Variants in CPB1 observed in about 807,000 individuals in gnomAD.
CPB1 encodes the protein carboxypeptidase B.
A neutral mutation model predicts 51.4 loss-of-function variants in CPB1; 53 were observed. That is an observed-to-expected ratio of 1.03 (90% CI 0.83 to 1.30). The LOEUF (loss-of-function observed/expected upper bound fraction) is 1.30, where lower values mean the gene tolerates loss of function less well. Ranked by LOEUF, CPB1 falls within the 50% of genes most tolerant of loss-of-function variation. The pLI, the probability that CPB1 is intolerant of heterozygous loss-of-function variation, is 0.00. For missense variants in CPB1, 494 were observed against 516.2 expected (o/e 0.96, Z 0.42); for synonymous variants, 189 against 186.9 (o/e 1.01, Z -0.09).
In CPB1 at chr3:148,827,817, A is replaced by G. The variant is rs1712615347; in HGVS notation, c.-7A>G. On this transcript the variant is annotated 5_prime_UTR_variant, in exon 1 of 11. Coordinates refer to ENST00000282957, the MANE Select transcript of CPB1 (RefSeq NM_001871.3). ...TGAGACCTACCCACTAGACCTGGTC[A>G]GACACAATGTTGGCACTCTTGGTTC... The G allele has an allele frequency of 6.2e-7, 1 of 1,613,884 alleles. No individual in the cohort carries two copies. The highest frequency in any genetic ancestry group is 1.3e-5 in the African/African-American group (1 of 74,914).
chr3:148,836,919 A>G (rs1343304039), intron 3 of CPB1, among the ~76,000 whole-genome samples: 2 of 152,176 alleles, frequency 1.3e-5, no homozygotes, highest in Non-Finnish European at 1.5e-5. Context: ...TTCTACCAAA[A>G]TAACTTTTCA....
At chr3:148,857,071 T>TTTTTTGTTTTTTTTTTTTTTG (rs766441035) in intron 9 of CPB1, 1 of 145,278 alleles carries the variant, frequency 6.9e-6, no homozygotes, top group Non-Finnish European at 1.5e-5. Flanking sequence ...TGTTTTTTTT[T>TTTTTTGTTTTTTTTTTTTTTG]TTTTTTTTTT....
intron 9 of CPB1, 60 bp downstream of exon 9, chr3:148,845,686 T>C: frequency 7.4e-7 from 1 of 1,348,126 alleles, no homozygotes. Flanking sequence ...ATTCTAATCC[T>C]GAAAAAAAAA....
intron 3 of CPB1, among the ~76,000 whole-genome samples, chr3:148,836,680 G>A (rs1041498739): frequency 9.2e-5 from 14 of 152,046 alleles, no homozygotes; most frequent in Non-Finnish European, 1.6e-4. Context: ...TTTTTGCTTC[G>A]CTGTTCACTG....
intron 9 of CPB1, among the ~76,000 whole-genome samples, chr3:148,850,387 C>T (rs1487001108): frequency 6.6e-6 from 1 of 152,120 alleles, no homozygotes; most frequent in Non-Finnish European, 1.5e-5. Context: ...CTGCAAGCTC[C>T]ACCTCCCGGG....
intron 9 of CPB1, chr3:148,856,998 T>C (rs1713583268): frequency 6.5e-6 from 1 of 154,824 alleles, no homozygotes; most frequent in South Asian, 2.0e-4. Context: ...CTAATGCTCC[T>C]GCCCTAACTC....
At chr3:148,844,374 ATGC>A in intron 6 of CPB1, 101 bp from the exon 7 acceptor site, 1 of 762,316 alleles carries the variant, frequency 1.3e-6, no homozygotes. Flanking sequence ...TCAATAGGAA[ATGC>A]TGCTCTTATT....
intron 6 of CPB1, among the ~76,000 whole-genome samples, chr3:148,844,248 G>T (rs1289145387): frequency 6.6e-6 from 1 of 152,026 alleles, no homozygotes; most frequent in Non-Finnish European, 1.5e-5. Flanking sequence ...AAATAAGAAG[G>T]ATGCAATAGA....
chr3:148,831,959 T>A (rs1167504069), intron 2 of CPB1, among the ~76,000 whole-genome samples: 1 of 152,142 alleles, frequency 6.6e-6, no homozygotes, highest in African/African-American at 2.4e-5. Context: ...TTTCCAGCCA[T>A]GTTTCTCCTA....
intron 2 of CPB1, among the ~76,000 whole-genome samples, chr3:148,834,038 T>C (rs1470745669): frequency 1.3e-5 from 2 of 152,212 alleles, no homozygotes; most frequent in Non-Finnish European, 2.9e-5. Flanking sequence ...TTCCACATAT[T>C]ACTGTGACTT....
chr3:148,857,409 G>T lies in CPB1; in HGVS notation c.982-48G>T, dbSNP rs534527343. On this transcript the variant is annotated intron_variant, in intron 9 of 10. Transcript: ENST00000282957. ...AAATAATGTACAGGGCATTTGTTTG[G>T]CAGTGTGCTTTTATTTATTTCCTTA... is the stretch of plus-strand genomic sequence containing the variant. 2.2e-6 allele frequency: 3 copies of T among 1,393,962 alleles called. No individual in the cohort carries two copies. In the East Asian group the frequency reaches 6.9e-5, roughly 32 times the overall value. 86.3% of individuals were successfully genotyped at this position (1,393,962 alleles called of 1,614,324 possible). A position where few individuals can be genotyped will look rare whatever the true frequency, so the allele number is the denominator to read the frequency against.
chr3:148,860,062 A>G lies in CPB1; in HGVS notation c.*60A>G. The G allele has an allele frequency of 6.5e-7, 1 of 1,540,998 alleles. No individual in the cohort carries two copies. On this transcript the variant is annotated 3_prime_UTR_variant, in exon 11 of 11. Transcript: ENST00000282957. ...ATTTTTCATTTCTTTTCTTTCTTGA[A>G]TTCTTATTTTGGTTTGCCTGGATGT...
chr3:148,858,090 AC>A (rs1453211858), intron 10 of CPB1, among the ~76,000 whole-genome samples: 1 of 152,142 alleles, frequency 6.6e-6, no homozygotes, highest in African/African-American at 2.4e-5. Flanking sequence ...TCTTTAAAGA[AC>A]TAGCAGTAGG....
chr3:148,828,735 G>A (rs536321512), intron 2 of CPB1, among the ~76,000 whole-genome samples: 1 of 152,106 alleles, frequency 6.6e-6, no homozygotes, highest in South Asian at 2.1e-4. Flanking sequence ...GTTCCACTTG[G>A]GCCAATGCCG....
intron 6 of CPB1, among the ~76,000 whole-genome samples, chr3:148,842,925 C>A (rs1177777854): frequency 6.6e-6 from 1 of 152,096 alleles, no homozygotes; most frequent in African/African-American, 2.4e-5. Flanking sequence ...AAATAAATGA[C>A]CTCCCTTTAA....
chr3:148,846,801 A>T (rs112526312), intron 9 of CPB1, among the ~76,000 whole-genome samples: 1 of 37,646 alleles, frequency 2.7e-5, no homozygotes, highest in African/African-American at 1.0e-4. Context: ...GCGTGTGTAT[A>T]TATATATATA....
intron 2 of CPB1, 70 bp downstream of exon 2, chr3:148,828,147 G>T: frequency 8.6e-7 from 1 of 1,165,488 alleles, no homozygotes; most frequent in Non-Finnish European, 1.2e-6. Flanking sequence ...TCCGACAATG[G>T]AAAAAAAAAC....
chr3:148,853,565 A>G (rs1359613283), intron 9 of CPB1, among the ~76,000 whole-genome samples: 1 of 152,222 alleles, frequency 6.6e-6, no homozygotes, highest in African/African-American at 2.4e-5. Context: ...AAAAGAGAAC[A>G]TGCATAAGAT....
intron 9 of CPB1, 58 bp downstream of exon 9, chr3:148,845,684 C>A: frequency 1.5e-6 from 2 of 1,363,172 alleles, no homozygotes; most frequent in South Asian, 1.3e-5. Context: ...AAATTCTAAT[C>A]CTGAAAAAAA....
Sources: allele counts gnomAD v4.1 joint callset (sites outside exome capture counted in the v4.1 genomes callset), GRCh38; gene constraint gnomAD v4.1.1; transcripts MANE v1.5; gene names NCBI Gene and HGNC (gene_info 2026-07-23, HGNC 2026-07-21).